Variants in SCP2 observed in about 807,000 individuals in gnomAD.
SCP2 encodes the protein sterol carrier protein 2, also known as SCP-2/3-oxoacyl-CoA thiolase.
SCP2 carries 48 observed loss-of-function variants against 71.4 expected under a neutral mutation model. The observed-to-expected ratio is 0.67, with a 90% CI of 0.53 to 0.86. The LOEUF is 0.86. Among genes scored for constraint, SCP2 ranks in the 40% least tolerant of loss-of-function variants. The pLI, the probability that SCP2 is intolerant of heterozygous loss-of-function variation, is 0.00. For missense variants in SCP2, 560 were observed against 655.6 expected, an observed-to-expected ratio of 0.85 and a Z score of 1.59; for synonymous variants, 220 against 218.1, an observed-to-expected ratio of 1.01 and a Z score of -0.08.
At position 53,039,545 on chromosome 1, in the gene SCP2, T is replaced by C. The variant is rs111376183; in HGVS notation, c.1468+499T>C. ...CCACTCTAGTCAGCTTTTGTCCTCA[T>C]CACTATCCCCAGACTGTTCCTGTCA... On this transcript the variant is annotated intron_variant, in intron 14 of 15. Coordinates refer to ENST00000371514, the MANE Select transcript of SCP2 (RefSeq NM_002979.5). Among the ~76,000 whole-genome samples, 1,004 of 152,306 alleles carry C rather than the reference T, an allele frequency of 6.6e-3. 18 individuals are homozygous for C. Among genetic ancestry groups the C allele is most frequent in the African/African-American group, 0.022 (911 of 41,550 alleles).
intron 1 of SCP2, among the ~76,000 whole-genome samples, chr1:52,933,419 A>G (rs1485862796): frequency 6.6e-6 from 1 of 152,166 alleles, no homozygotes; most frequent in Non-Finnish European, 1.5e-5. Flanking sequence ...ATCTCTACTA[A>G]AAAAATAAAA....
chr1:52,975,019 T>C (rs1657826131), intron 7 of SCP2, among the ~76,000 whole-genome samples, 187 bp downstream of exon 7: 1 of 152,210 alleles, frequency 6.6e-6, no homozygotes, highest in African/African-American at 2.4e-5. Context: ...TTTTGGCCAC[T>C]TTATATTTAG....
chr1:52,993,186 T>C, intron 11 of SCP2: 1 of 1,613,814 alleles, frequency 6.2e-7, no homozygotes, highest in East Asian at 2.2e-5. Context: ...TAGCTAAAAC[T>C]GAAGGGATTC....
chr1:53,028,013 C>G lies in SCP2; in HGVS notation c.1280C>G (p.Ala427Gly), dbSNP rs144131493. ...ATTGAAGCTGTTCCAACCAGCTCTGCAAGTGATGGATTTAAGGCAAATCTT... is the reference window on the plus strand; with the variant it reads ...ATTGAAGCTGTTCCAACCAGCTCTGGAAGTGATGGATTTAAGGCAAATCTT... ...HQIEAVPTSS[A>G]SDGFKANLVF... The change falls in exon 13 of 16, where the codon GCA (alanine) becomes GGA (glycine). Residue 427 changes from alanine (A) to glycine (G), a missense_variant. Physicochemically the swap from Ala to Gly is moderately conservative, Grantham distance 60 (BLOSUM62 0). Transcript: ENST00000371514. 2.5e-4 allele frequency: 407 copies of G among 1,611,704 alleles called. No homozygotes were observed. Among genetic ancestry groups the G allele is most frequent in the Non-Finnish European group, 3.3e-4 (391 of 1,178,050 alleles).
At position 52,974,795 on chromosome 1, in the gene SCP2, AT is replaced by A. The variant is rs1557576660; in HGVS notation, c.552del (p.Ile184MetfsTer23). ...YGTKIEHFAK[I>X]GWKNHKHSVN... ...AACAAAAATTGAACACTTTGCAAAA[AT>A]TGGATGGAAAAATCATAAACATTCA... On this transcript the variant is annotated frameshift_variant, in exon 7 of 16. Transcript: ENST00000371514. LOFTEE classifies it high-confidence loss of function. 1 of 1,551,944 alleles carries A rather than the reference AT, an allele frequency of 6.4e-7. No homozygotes were observed. Among genetic ancestry groups the A allele is most frequent in the East Asian group, 2.2e-5 (1 of 44,492 alleles).
chr1:53,043,909 G>A (rs60426629), intron 14 of SCP2, among the ~76,000 whole-genome samples: 14,950 of 152,076 alleles, frequency 0.098, 1,435 homozygotes, highest in African/African-American at 0.22. Flanking sequence ...ATTAAGAGAA[G>A]ATTTTCTCAG....
rs35364355 is a variant in SCP2 at position 52,951,049 on chromosome 1, G to A, written c.331+163G>A. On this transcript the variant is annotated intron_variant, in intron 4 of 15. Coordinates refer to ENST00000371514, the MANE Select transcript of SCP2 (RefSeq NM_002979.5). ...TAACCCTAGCACTTTGGGAGGCCGA[G>A]GGGGGTGGATTGTTTGAGCTTGTGA... Among the ~76,000 whole-genome samples, 8,210 of 152,224 alleles carry A rather than the reference G, an allele frequency of 0.054. 318 individuals carry two copies. Among genetic ancestry groups the A allele is most frequent in the South Asian group, 0.099 (479 of 4,816 alleles).
chr1:53,033,434 C>G (rs1460641867), intron 13 of SCP2, among the ~76,000 whole-genome samples: 1 of 151,948 alleles, frequency 6.6e-6, no homozygotes, highest in Non-Finnish European at 1.5e-5. Context: ...GAAACCCCAT[C>G]TCTACCAAAA....
intron 11 of SCP2, among the ~76,000 whole-genome samples, chr1:53,013,918 C>T (rs1317016279): frequency 1.1e-5 from 1 of 92,776 alleles, no homozygotes; most frequent in Non-Finnish European, 2.0e-5. Context: ...TTTTTTGAGA[C>T]GGAGTCTTGC....
chr1:53,003,500 A>G (rs1660447990), intron 11 of SCP2, among the ~76,000 whole-genome samples: 1 of 152,076 alleles, frequency 6.6e-6, no homozygotes, highest in Non-Finnish European at 1.5e-5. Context: ...GATTATAGGC[A>G]TGAGCCATCA....
chr1:52,991,394 T>C (rs1659485692), intron 11 of SCP2, among the ~76,000 whole-genome samples: 1 of 143,514 alleles, frequency 7.0e-6, no homozygotes, highest in African/African-American at 3.0e-5. Flanking sequence ...TTGTTTTTTT[T>C]TTCTTTTTTC....
intron 1 of SCP2, among the ~76,000 whole-genome samples, chr1:52,939,770 C>T (rs11206046): frequency 6.6e-6 from 1 of 152,180 alleles, no homozygotes; most frequent in African/African-American, 2.4e-5. Flanking sequence ...CCTCTGCCTC[C>T]TGGGTTTTCC....
rs549119731 is a variant in SCP2 at position 52,961,347 on chromosome 1, T to A, written c.397-156T>A. On this transcript the variant is annotated intron_variant, in intron 5 of 15. Coordinates refer to ENST00000371514, the MANE Select transcript of SCP2 (RefSeq NM_002979.5). ...GATTATTTTTTCTTCTTCCCATGTT[T>A]CCCTGTGGAGCATGTCTTAACTGAT... Among the ~76,000 whole-genome samples, 17 of 152,288 alleles carry A rather than the reference T, an allele frequency of 1.1e-4. No individual in the cohort carries two copies. The East Asian group carries it at 3.3e-3, about 29-fold the overall frequency.
At chr1:52,998,911 A>G (rs545905467) in intron 11 of SCP2, among the ~76,000 whole-genome samples, 1 of 152,316 alleles carries the variant, frequency 6.6e-6, no homozygotes, top group South Asian at 2.1e-4. Context: ...ACACCCCAGG[A>G]AGATAGAATT....
intron 7 of SCP2, 101 bp from the exon 8 acceptor site, chr1:52,976,582 G>A: frequency 1.3e-6 from 1 of 742,156 alleles, no homozygotes; most frequent in South Asian, 1.5e-5. Context: ...CTGTCTTCTG[G>A]TTGTGAAAAT....
chr1:53,017,687 C>T (rs1465287644), intron 12 of SCP2, among the ~76,000 whole-genome samples: 1 of 152,010 alleles, frequency 6.6e-6, no homozygotes, highest in African/African-American at 2.4e-5. Context: ...ATTTGAAGAT[C>T]CTAAGTCATA....
At chr1:53,018,656 G>A (rs773257279) in intron 12 of SCP2, among the ~76,000 whole-genome samples, 4 of 151,782 alleles carry the variant, frequency 2.6e-5, no homozygotes, top group Non-Finnish European at 5.9e-5. Context: ...CATGAGAATC[G>A]CTTGAGCCTG....
At chr1:52,986,405 G>A (rs967310258) in intron 10 of SCP2, among the ~76,000 whole-genome samples, 2 of 152,150 alleles carry the variant, frequency 1.3e-5, no homozygotes, top group Non-Finnish European at 2.9e-5. Flanking sequence ...TAGAGCCTCA[G>A]AGCAATTTCC....
intron 11 of SCP2, chr1:52,993,602 G>A (rs1659698878): frequency 1.9e-6 from 3 of 1,606,792 alleles, no homozygotes; most frequent in African/African-American, 1.4e-5. Context: ...TTCTTGTCCT[G>A]CTGTATCCAA....
Sources: gnomAD v4.1 joint callset for allele counts (sites outside exome capture counted in the v4.1 genomes callset) on GRCh38, gnomAD v4.1.1 for gene constraint, MANE v1.5 for transcripts, NCBI Gene and HGNC (gene_info 2026-07-23, HGNC 2026-07-21) for gene names.